The following USP42 variants were observed in gnomAD, a reference collection of about 807,000 sequenced individuals.
The protein encoded by USP42 is ubiquitin carboxyl-terminal hydrolase 42.
USP42 carries 23 observed loss-of-function variants against 113.0 expected under a neutral mutation model. The ratio of observed to expected loss-of-function variants is 0.20; its 90% CI spans 0.15 to 0.29. USP42 has a LOEUF of 0.29. USP42 is among the 10% of genes least tolerant of loss of function. USP42 has a pLI of 1.00. For synonymous variants in USP42, 933 were observed against 699.0 expected (o/e 1.33, Z -5.28); for missense variants, 2,174 against 1,779.8 (o/e 1.22, Z -3.99).
chr7:6,095,496 C>T, the USP42 span, among the ~76,000 whole-genome samples: 3 of 151,140 alleles, frequency 2.0e-5, no homozygotes, highest in South Asian at 2.1e-4. Flanking sequence ...AGTGAAACCC[C>T]GTGTCTACTA....
At chr7:6,092,035 CTT>C in the USP42 span, among the ~76,000 whole-genome samples, 3 of 98,210 alleles carry the variant, frequency 3.1e-5, no homozygotes, top group Non-Finnish European at 4.3e-5. Context: ...TCTTCTTCTT[CTT>C]CTTCTTCTTC....
rs1363964023 is a variant in USP42, at chr7:6,118,607, T to TA, written c.442+3087dup. The stretch of plus-strand genomic sequence containing the variant: ...TTCCTATACTTTCTTCTAGAAGTCT[T>TA]AAAGTTTTAGCTTTTGTTTTTGGGT... On this transcript the variant is annotated intron_variant, in intron 3 of 17. Coordinates refer to ENST00000306177, the MANE Select transcript of USP42 (RefSeq NM_032172.3). Among the ~76,000 whole-genome samples, 6 of 152,216 alleles carry TA rather than the reference T, an allele frequency of 3.9e-5. No individual in the cohort carries two copies. In the East Asian group the frequency reaches 9.6e-4, roughly 24 times the overall value.
intron 4 of USP42, among the ~76,000 whole-genome samples, chr7:6,137,503 CGT>C (rs1245750369): frequency 2.0e-5 from 3 of 152,084 alleles, no homozygotes; most frequent in African/African-American, 7.2e-5. Flanking sequence ...GGATTACAGA[CGT>C]GTACCACCAC....
At chr7:6,147,106 T>C (rs1273147632) in intron 11 of USP42, among the ~76,000 whole-genome samples, 5 of 152,224 alleles carry the variant, frequency 3.3e-5, no homozygotes, top group South Asian at 2.1e-4. Context: ...TGTCTGCACA[T>C]TGAAATATTA....
At chr7:6,125,469 A>G (rs1388658559) in intron 3 of USP42, among the ~76,000 whole-genome samples, 1 of 152,168 alleles carries the variant, frequency 6.6e-6, no homozygotes, top group Non-Finnish European at 1.5e-5. Context: ...CAGCCTAGGC[A>G]ACAAGAGCGA....
rs759232416 is a variant in USP42 at position 6,154,228 on chromosome 7, G to C, written c.2674G>C (p.Ala892Pro). Residue 892 changes from alanine to proline, a missense_variant, in exon 15 of 18, where the codon GCA becomes CCA. Ala to Pro is a conservative substitution (Grantham distance 27). Transcript: ENST00000306177. ...TCAGGACCCATCCCAGAGCTTGGGC[G>C]CACCCGAGGCCGCAGAGCGGCCGCC... Reference protein sequence around the residue: ...DAQDPSQSLGAPEAAERPPAP... With the variant: ...DAQDPSQSLGPPEAAERPPAP... The C allele has an allele frequency of 3.1e-6, 5 of 1,606,232 alleles. No homozygotes were observed. Among genetic ancestry groups the C allele is most frequent in the Middle Eastern group, 3.3e-4 (2 of 5,984 alleles).
rs200369514 is a variant in USP42 at position 6,154,177 on chromosome 7, C to T, written c.2623C>T (p.Pro875Ser). The T allele has an allele frequency of 6.3e-6, 10 of 1,599,912 alleles. No individual in the cohort carries two copies. In the East Asian group the frequency reaches 1.3e-4, roughly 21 times the overall value. ...CTGCGAGCAGCCACTCCTTGTTCAC[C>T]CCAGCGGGGACCACGCCCGGGACGC... Reference protein sequence around the residue: ...EPCEQPLLVHPSGDHARDAQD... With the variant: ...EPCEQPLLVHSSGDHARDAQD... The change falls in exon 15 of 18, where the codon CCC (proline) becomes TCC (serine). Residue 875 changes from proline (P) to serine (S), a missense_variant. Physicochemically the swap from Pro to Ser is moderately conservative, Grantham distance 74. Transcript: ENST00000306177.
In USP42 at chr7:6,157,976, T is replaced by C. The variant is rs533725850; in HGVS notation, c.3943+921T>C. 6.6e-6 allele frequency among the ~76,000 whole-genome samples: 1 copy of C among 152,326 alleles called. No homozygotes were observed. Among genetic ancestry groups the C allele is most frequent in the Admixed American group, 6.5e-5 (1 of 15,304 alleles). On this transcript the variant is annotated intron_variant, in intron 16 of 17. Coordinates refer to ENST00000306177, the MANE Select transcript of USP42 (RefSeq NM_032172.3). This position sits in a 1 kb window ranked among gnomAD's most constrained non-coding sequence, Gnocchi z 4.1. ...CCCTCGAGAGGAGCTGTGAGCCTGT[T>C]AGAAGCGGATGTCACTCGAGTCAGT...
Position 6,155,188 on chromosome 7 carries a change from G to A in USP42, c.3634G>A (p.Asp1212Asn), listed in dbSNP as rs1252548800. 6 of 1,529,422 alleles carry A rather than the reference G, an allele frequency of 3.9e-6. No individual in the cohort carries two copies. Among genetic ancestry groups the A allele is most frequent in the Non-Finnish European group, 5.2e-6 (6 of 1,143,872 alleles). The allele number at this position is 1,529,422 out of a possible 1,614,324, so 94.7% of individuals were successfully genotyped here. A position where few individuals can be genotyped will look rare whatever the true frequency, so the allele number is the denominator to read the frequency against. The change falls in exon 15 of 18, where the codon GAC (aspartate) becomes AAC (asparagine). Residue 1212 changes from aspartate (D) to asparagine (N), a missense_variant. By Grantham distance (23) the Asp-to-Asn change is conservative (BLOSUM62 1). Coordinates refer to ENST00000306177, the MANE Select transcript of USP42 (RefSeq NM_032172.3). Reference protein sequence around the residue: ...KKSKDKHRDRDSRHQQDSDLS... With the variant: ...KKSKDKHRDRNSRHQQDSDLS... ...ATCCAAAGACAAACACCGAGACCGC[G>A]ACTCCAGGTGAGCCTGGGGCCTTGT...
At chr7:6,104,468 GA>G (rs752215986), upstream of USP42, among the ~76,000 whole-genome samples, 1 of 152,278 alleles carries the variant, frequency 6.6e-6, no homozygotes, top group Non-Finnish European at 1.5e-5. Context: ...CGAAGCCCAC[GA>G]AGCGGAGGAT....
chr7:6,095,131 C>CA, the USP42 span, among the ~76,000 whole-genome samples: 1 of 151,184 alleles, frequency 6.6e-6, no homozygotes, highest in Non-Finnish European at 1.5e-5. Flanking sequence ...TGCTGTAAGT[C>CA]AAGGAACCAG....
chr7:6,129,517 A>G (rs567393432), intron 3 of USP42, among the ~76,000 whole-genome samples: 2 of 148,236 alleles, frequency 1.3e-5, no homozygotes, highest in Non-Finnish European at 3.0e-5. Context: ...AGATTGTGCT[A>G]CTGCACTCCA....
Position 6,154,208 on chromosome 7 carries a change from A to T in USP42, c.2654A>T (p.Asp885Val). 6.2e-7 allele frequency: 1 copy of T among 1,606,272 alleles called. No homozygotes were observed. Among genetic ancestry groups the T allele is most frequent in the Non-Finnish European group, 8.5e-7 (1 of 1,178,864 alleles). ...PSGDHARDAQ[D>V]PSQSLGAPEA... Reference sequence around the variant, plus strand: ...GGGGACCACGCCCGGGACGCTCAGGACCCATCCCAGAGCTTGGGCGCACCC... The same window carrying T: ...GGGGACCACGCCCGGGACGCTCAGGTCCCATCCCAGAGCTTGGGCGCACCC... Residue 885 changes from aspartate (D) to valine (V), a missense_variant, in exon 15 of 18, where the codon GAC becomes GTC. Coordinates refer to ENST00000306177, the MANE Select transcript of USP42 (RefSeq NM_032172.3).
chr7:6,124,491 C>G (rs1780416115), intron 3 of USP42, among the ~76,000 whole-genome samples: 1 of 151,212 alleles, frequency 6.6e-6, no homozygotes, highest in Non-Finnish European at 1.5e-5. Flanking sequence ...GTCTCAAACT[C>G]CTGACCTCGT....
chr7:6,130,919 G>A (rs1320858118), intron 3 of USP42, among the ~76,000 whole-genome samples: 1 of 152,102 alleles, frequency 6.6e-6, no homozygotes, highest in African/African-American at 2.4e-5. Context: ...AGCAGGGTAG[G>A]GCAGGGGGAA....
chr7:6,128,107 C>T (rs1483776800), intron 3 of USP42: 1 of 152,024 alleles, frequency 6.6e-6, no homozygotes. Flanking sequence ...CCCACCATGA[C>T]CAGCTAATTT....
chr7:6,139,750 C>T lies in USP42; in HGVS notation c.657-378C>T, dbSNP rs558448136. Reference sequence around the variant, plus strand: ...CCGCCCTGTCTAGGACTTCATTGTCCGGGTGATGACATACTTGGGTCGGAG... The same window carrying T: ...CCGCCCTGTCTAGGACTTCATTGTCTGGGTGATGACATACTTGGGTCGGAG... On this transcript the variant is annotated intron_variant, in intron 5 of 17. Transcript: ENST00000306177. This position sits in a 1 kb window ranked among gnomAD's most constrained non-coding sequence, Gnocchi z 4.5. 2.7e-4 allele frequency: 86 copies of T among 321,194 alleles called. No homozygotes were observed. Among genetic ancestry groups the T allele is most frequent in the African/African-American group, 1.5e-3 (70 of 46,102 alleles). 19.9% of individuals were successfully genotyped at this position (321,194 alleles called of 1,614,324 possible).
In USP42 at chr7:6,159,764, T is replaced by C. The variant is rs1782666013; in HGVS notation, c.*36+271T>C. On this transcript the variant is annotated intron_variant, in intron 17 of 17. Transcript: ENST00000306177. The surrounding 1 kb of genome is among the most constrained non-coding windows in gnomAD (Gnocchi z 4.1). ...CAGAGTCGCCCTGTTCCCTTGTGCC[T>C]CACTTGGGAAAAGCCAACCCGGCTC... is the stretch of plus-strand genomic sequence containing the variant. Among the ~76,000 whole-genome samples the C allele has an allele frequency of 6.6e-6, 1 of 152,196 alleles. No homozygotes were observed. The highest frequency in any genetic ancestry group is 6.5e-5 in the Admixed American group (1 of 15,282).
At chr7:6,117,663 G>A (rs1172364623) in intron 3 of USP42, among the ~76,000 whole-genome samples, 1 of 152,174 alleles carries the variant, frequency 6.6e-6, no homozygotes, top group African/African-American at 2.4e-5. Context: ...CCCACCACTG[G>A]TGAATGAATC....
Sources: gnomAD v4.1 joint callset for allele counts (sites outside exome capture counted in the v4.1 genomes callset) on GRCh38, gnomAD v4.1.1 for gene constraint, Gnocchi (gnomAD v3.1) non-coding constraint, MANE v1.5 for transcripts, NCBI Gene and HGNC (gene_info 2026-07-23, HGNC 2026-07-21) for gene names.